Variants in CPVL observed in about 807,000 individuals in gnomAD.
CPVL encodes probable serine carboxypeptidase CPVL.
In CPVL, 51 loss-of-function variants were observed where a neutral mutation model predicts 63.7. That is an observed-to-expected ratio of 0.80 (90% CI 0.64 to 1.01). The LOEUF (loss-of-function observed/expected upper bound fraction) is 1.01, where lower values mean the gene tolerates loss of function less well. Among genes scored for constraint, CPVL ranks in the 50% least tolerant of loss-of-function variants. CPVL has a pLI of 0.00. For missense variants in CPVL, 530 were observed against 573.1 expected (o/e 0.92, Z 0.77); for synonymous variants, 195 against 206.0 (o/e 0.95, Z 0.46).
chr7:29,183,841 C>T (rs928272012), intron 4 of CPVL, among the ~76,000 whole-genome samples: 23 of 151,918 alleles, frequency 1.5e-4, no homozygotes, highest in Admixed American at 4.6e-4. Context: ...GATTCCACAC[C>T]CATGCATTCA....
chr7:29,187,830 A>G (rs1472453423), intron 1 of CPVL, among the ~76,000 whole-genome samples: 2 of 152,214 alleles, frequency 1.3e-5, no homozygotes, highest in East Asian at 3.8e-4. Context: ...GCCGTGCAGA[A>G]TATAATTGAG....
intron 1 of CPVL, among the ~76,000 whole-genome samples, chr7:29,131,896 C>T (rs1273779959): frequency 4.6e-5 from 7 of 152,222 alleles, no homozygotes; most frequent in African/African-American, 1.2e-4. Flanking sequence ...GATAATACTC[C>T]AGGCAGCAGC....
chr7:29,098,050 C>T (rs1786624227), intron 3 of CPVL, among the ~76,000 whole-genome samples: 1 of 152,228 alleles, frequency 6.6e-6, no homozygotes, highest in South Asian at 2.1e-4. Flanking sequence ...TGGCATGGCT[C>T]GTTGGATGGT....
chr7:29,178,297 GTC>G (rs1195782407), intron 5 of CPVL, among the ~76,000 whole-genome samples: 1 of 152,138 alleles, frequency 6.6e-6, no homozygotes, highest in East Asian at 1.9e-4. Flanking sequence ...TTCCCATTGT[GTC>G]TAGAAATAAA....
intron 7 of CPVL, among the ~76,000 whole-genome samples, chr7:29,075,551 G>A (rs1784160761): frequency 7.1e-6 from 1 of 141,310 alleles, no homozygotes; most frequent in African/African-American, 2.6e-5. Context: ...ATCACTGACA[G>A]TCAATGGTCC....
intron 11 of CPVL, among the ~76,000 whole-genome samples, chr7:29,053,865 C>T (rs1257618315): frequency 1.3e-5 from 1 of 79,172 alleles, no homozygotes; most frequent in Non-Finnish European, 2.6e-5. Flanking sequence ...CCAGCCTGGG[C>T]AATAGAACAA....
chr7:29,156,931 A>G (rs917834213), intron 5 of CPVL, among the ~76,000 whole-genome samples: 1 of 152,172 alleles, frequency 6.6e-6, no homozygotes, highest in Non-Finnish European at 1.5e-5. Context: ...TAACACAAGA[A>G]AAGACATCTA....
chr7:29,194,691 C>T (rs1231346809), intron 1 of CPVL: 1 of 391,862 alleles, frequency 2.6e-6, no homozygotes, highest in Non-Finnish European at 4.5e-6. Flanking sequence ...CCCACCTACC[C>T]CCTGACACCC....
intron 7 of CPVL, among the ~76,000 whole-genome samples, chr7:29,074,744 C>T (rs926897765): frequency 8.6e-5 from 13 of 150,958 alleles, no homozygotes; most frequent in African/African-American, 2.9e-4. Context: ...CTCTCTCTCT[C>T]GTAGTACCTT....
intron 12 of CPVL, among the ~76,000 whole-genome samples, chr7:29,019,131 ACATTG>A (rs1365720483): frequency 1.3e-5 from 2 of 152,138 alleles, no homozygotes; most frequent in African/African-American, 4.8e-5. Context: ...ACACTATTCC[ACATTG>A]CATTGCTGGC....
rs370813742 is a variant in CPVL at position 29,195,026 on chromosome 7, G to T, written c.-448+51C>A. The T allele has an allele frequency of 2.1e-5, 33 of 1,575,918 alleles. No homozygotes were observed. The African/African-American group carries it at 4.4e-4, about 21-fold the overall frequency. ...GCCCGTCGGGCGCTGCTGCCGCGCC[G>T]GGTCTCGCCCCACTGCCCTCGCCCC... On this transcript the variant is annotated intron_variant, in intron 1 of 16. Coordinates refer to the CPVL transcript ENST00000409850.
At chr7:29,002,893 C>A (rs2648660) in intron 12 of CPVL, among the ~76,000 whole-genome samples, 122,259 of 146,302 alleles carry the variant, frequency 0.84, 51,727 homozygotes, top group African/African-American at 0.95. Context: ...AAGAAGAAGA[C>A]GACATGAAAC....
rs955228252 is a variant in CPVL, at chr7:28,996,011, G to A, written c.1321-129C>T. ...TACAGAACATATTCTCCCAATGCAT[G>A]CCTTTGGACAAGCTGCCTATCTGGC... On this transcript the variant is annotated intron_variant, in intron 12 of 12. Transcript: ENST00000265394. The A allele has an allele frequency of 1.3e-5, 7 of 546,398 alleles. No individual in the cohort carries two copies. In the African/African-American group the frequency reaches 1.4e-4, roughly 11 times the overall value. 33.8% of individuals were successfully genotyped at this position (546,398 alleles called of 1,614,324 possible). A position where few individuals can be genotyped will look rare whatever the true frequency, so the allele number is the denominator to read the frequency against.
chr7:29,109,122 C>G (rs553142640), intron 3 of CPVL, among the ~76,000 whole-genome samples: 3 of 152,304 alleles, frequency 2.0e-5, no homozygotes, highest in Non-Finnish European at 4.4e-5. Context: ...CAATTACCAG[C>G]AGCTATAACT....
At chr7:29,040,317 T>C (rs568985323) in intron 11 of CPVL, among the ~76,000 whole-genome samples, 72 of 152,348 alleles carry the variant, frequency 4.7e-4, no homozygotes, top group African/African-American at 1.7e-3. Context: ...ATAATTCCCA[T>C]GGGTTTCCCA....
upstream of CPVL, among the ~76,000 whole-genome samples, chr7:29,151,363 C>G (rs1793571651): frequency 6.6e-6 from 1 of 152,158 alleles, no homozygotes; most frequent in South Asian, 2.1e-4. Flanking sequence ...GTTTAGCGCC[C>G]TTTAGCAGCA....
chr7:29,026,158 C>T (rs1479301602), intron 12 of CPVL, among the ~76,000 whole-genome samples: 1 of 151,868 alleles, frequency 6.6e-6, no homozygotes, highest in East Asian at 1.9e-4. Context: ...GAAATCAATA[C>T]CAAGGAAAAC....
Position 29,096,137 on chromosome 7 carries a change from T to C in CPVL, c.369A>G (p.Glu123=). ...GGSSMFGLFV[E]HGPYVVTSNM... is the part of the protein sequence containing the mutation. ...TACTTGTGACAACATAAGGCCCATG[T>C]TCCACAAAGAGTCCAAACATGGATG... The change falls in exon 4 of 13, where the codon GAA becomes GAG. Residue 123 remains glutamate, a synonymous_variant. Transcript: ENST00000265394. 4 of 1,614,162 alleles carry C rather than the reference T, an allele frequency of 2.5e-6. No homozygotes were observed. Among genetic ancestry groups the C allele is most frequent in the Non-Finnish European group, 2.5e-6 (3 of 1,180,000 alleles).
intron 3 of CPVL, among the ~76,000 whole-genome samples, chr7:29,110,842 AG>A (rs1175090121): frequency 6.6e-6 from 1 of 152,208 alleles, no homozygotes; most frequent in Non-Finnish European, 1.5e-5. Flanking sequence ...TAGAAGACAG[AG>A]GTAGAAGACA....
Sources: allele counts gnomAD v4.1 joint callset (sites outside exome capture counted in the v4.1 genomes callset), GRCh38; gene constraint gnomAD v4.1.1; transcripts MANE v1.5; gene names NCBI Gene and HGNC (gene_info 2026-07-23, HGNC 2026-07-21).